The following CFAP299 variants were observed in gnomAD, a reference collection of about 807,000 sequenced individuals.
CFAP299 encodes cilia and flagella associated protein 299, also known as cilia- and flagella-associated protein 299.
CFAP299 carries 21 observed loss-of-function variants against 27.0 expected under a neutral mutation model. The observed-to-expected ratio is 0.78, with a 90% CI of 0.55 to 1.12. The LOEUF is 1.12. Ranked by LOEUF, CFAP299 falls within the 50% of genes most tolerant of loss-of-function variation. CFAP299 has a pLI of 0.00. For missense variants in CFAP299, 310 were observed against 276.6 expected, an observed-to-expected ratio of 1.12 and a Z score of -0.86; for synonymous variants, 104 against 98.1, an observed-to-expected ratio of 1.06 and a Z score of -0.36.
chr4:80,538,098 G>A (rs1291298799), intron 2 of CFAP299, among the ~76,000 whole-genome samples: 1 of 152,068 alleles, frequency 6.6e-6, no homozygotes, highest in Non-Finnish European at 1.5e-5. Flanking sequence ...TGGTGACATC[G>A]TAGCTATTGT....
chr4:80,422,696 T>C (rs1248086012), intron 2 of CFAP299, among the ~76,000 whole-genome samples: 1 of 152,216 alleles, frequency 6.6e-6, no homozygotes, highest in Non-Finnish European at 1.5e-5. Context: ...AGATGATCAA[T>C]ATGTTTGTTT....
chr4:80,457,956 C>T (rs1444356502), intron 2 of CFAP299, among the ~76,000 whole-genome samples: 1 of 152,154 alleles, frequency 6.6e-6, no homozygotes, highest in Non-Finnish European at 1.5e-5. Flanking sequence ...CATTTCTATC[C>T]TGTGGCATAT....
At chr4:80,775,187 T>C (rs1186616572) in intron 3 of CFAP299, among the ~76,000 whole-genome samples, 1 of 151,898 alleles carries the variant, frequency 6.6e-6, no homozygotes, top group Non-Finnish European at 1.5e-5. Context: ...CCTATATAGG[T>C]AACCCATATA....
chr4:80,699,912 C>A (rs1251206865), intron 3 of CFAP299, among the ~76,000 whole-genome samples: 1 of 152,036 alleles, frequency 6.6e-6, no homozygotes, highest in Non-Finnish European at 1.5e-5. Context: ...AGTAACTAAT[C>A]AGAATTTAAT....
intron 3 of CFAP299, among the ~76,000 whole-genome samples, chr4:80,742,359 C>T (rs1724326053): frequency 6.6e-6 from 1 of 152,170 alleles, no homozygotes; most frequent in African/African-American, 2.4e-5. Flanking sequence ...AAAGACTTTA[C>T]ATTTATTTAT....
chr4:80,745,857 C>T (rs1724554279), intron 3 of CFAP299, among the ~76,000 whole-genome samples: 1 of 152,082 alleles, frequency 6.6e-6, no homozygotes, highest in Admixed American at 6.6e-5. Context: ...AAAACCTTGA[C>T]AGTTTTAAGG....
At chr4:80,534,471 C>T (rs1733632065) in intron 2 of CFAP299, among the ~76,000 whole-genome samples, 1 of 151,870 alleles carries the variant, frequency 6.6e-6, no homozygotes, top group South Asian at 2.1e-4. Flanking sequence ...ATACAATGCA[C>T]AATTAATCTT....
Position 80,558,350 on chromosome 4 carries a change from G to GTTTTTTTTTTTTTTT in CFAP299, c.243-24740_243-24739insTTTTTTTTTTTTTTT, listed in dbSNP as rs1352651407. Among the ~76,000 whole-genome samples, 107 of 132,192 alleles carry GTTTTTTTTTTTTTTT rather than the reference G, an allele frequency of 8.1e-4. 3 individuals carry two copies. The highest frequency in any genetic ancestry group is 2.7e-3 in the African/African-American group (89 of 33,040). The allele number at this position is 132,192 out of a possible 152,430, so 86.7% of individuals were successfully genotyped here. A position where few individuals can be genotyped will look rare whatever the true frequency, so the allele number is the denominator to read the frequency against. On this transcript the variant is annotated intron_variant, in intron 2 of 5. Coordinates refer to ENST00000358105, the MANE Select transcript of CFAP299 (RefSeq NM_152770.3). The stretch of plus-strand genomic sequence containing the variant: ...GAAGACTTTTGTGGTTTTTTTGTTT[G>GTTTTTTTTTTTTTTT]TTTGTTTGTTTGTTTGTTTTTTTTT...
chr4:80,631,864 A>C (rs2867783), intron 3 of CFAP299, among the ~76,000 whole-genome samples: 18,673 of 28,422 alleles, frequency 0.66, 5,350 homozygotes, highest in East Asian at 0.82. Flanking sequence ...TTTGTGCCCC[A>C]CCCCCCCCCA....
rs1737427290 is a variant in CFAP299 at position 80,945,502 on chromosome 4, T to C, written c.606+563T>C. ...TTACATCTTGCATATTTTCAAAGACTGCATTTGAATCATGACTTTTTATTA... is the reference window on the plus strand; with the variant it reads ...TTACATCTTGCATATTTTCAAAGACCGCATTTGAATCATGACTTTTTATTA... On this transcript the variant is annotated intron_variant, in intron 5 of 5. Transcript: ENST00000358105. 2.6e-5 allele frequency among the ~76,000 whole-genome samples: 4 copies of C among 152,362 alleles called. No homozygotes were observed. The South Asian group carries it at 6.2e-4, about 24-fold the overall frequency.
intron 3 of CFAP299, among the ~76,000 whole-genome samples, chr4:80,631,868 C>CCCCT (rs1553942322): frequency 9.3e-6 from 1 of 107,756 alleles, no homozygotes; most frequent in Non-Finnish European, 2.1e-5. Context: ...TGCCCCACCC[C>CCCCT]CCCCCAACCA....
At chr4:80,601,928 A>G (rs1435720021) in intron 3 of CFAP299, among the ~76,000 whole-genome samples, 2 of 152,192 alleles carry the variant, frequency 1.3e-5, no homozygotes, top group Non-Finnish European at 2.9e-5. Context: ...TCCTTTGTTG[A>G]AGACCATTAT....
chr4:80,499,118 G>A (rs577294467), intron 2 of CFAP299, among the ~76,000 whole-genome samples: 1 of 152,098 alleles, frequency 6.6e-6, no homozygotes, highest in South Asian at 2.1e-4. Context: ...GGTGGGAACA[G>A]AAAACTTACC....
chr4:80,438,265 C>T (rs1477131206), intron 2 of CFAP299, among the ~76,000 whole-genome samples: 1 of 152,108 alleles, frequency 6.6e-6, no homozygotes, highest in African/African-American at 2.4e-5. Flanking sequence ...AGTCATGAGG[C>T]TGTTTGGTGC....
intron 2 of CFAP299, among the ~76,000 whole-genome samples, chr4:80,447,175 A>G (rs374869316): frequency 0.015 from 1,671 of 111,054 alleles, 38 homozygotes; most frequent in African/African-American, 0.056. Flanking sequence ...TCGCTCTGTC[A>G]CCCAGGCTGG....
chr4:80,914,829 C>T (rs1335864807), intron 4 of CFAP299, among the ~76,000 whole-genome samples: 1 of 152,012 alleles, frequency 6.6e-6, no homozygotes, highest in African/African-American at 2.4e-5. Context: ...CGATGTGTCC[C>T]CTTTTGATGC....
At chr4:80,755,300 C>CA (rs1053569682) in intron 3 of CFAP299, among the ~76,000 whole-genome samples, 56 of 148,606 alleles carry the variant, frequency 3.8e-4, no homozygotes, top group Admixed American at 7.4e-4. Flanking sequence ...ACAACAGCAA[C>CA]AAAAAAAAAG....
chr4:80,786,544 G>C (rs868237489), intron 3 of CFAP299, among the ~76,000 whole-genome samples: 2 of 152,014 alleles, frequency 1.3e-5, no homozygotes, highest in East Asian at 3.9e-4. Context: ...ATAAAAGTTT[G>C]GCCAAACCTA....
At chr4:80,439,951 C>A (rs548643222) in intron 2 of CFAP299, among the ~76,000 whole-genome samples, 3 of 152,148 alleles carry the variant, frequency 2.0e-5, no homozygotes, top group African/African-American at 7.2e-5. Flanking sequence ...TCGAACTGGG[C>A]GGAACCCCCA....
Sources: allele counts gnomAD v4.1 joint callset (sites outside exome capture counted in the v4.1 genomes callset), GRCh38; gene constraint gnomAD v4.1.1; transcripts MANE v1.5; gene names NCBI Gene and HGNC (gene_info 2026-07-23, HGNC 2026-07-21).